RPSA2: variants seen among roughly 807,000 people sequenced by gnomAD.
The protein encoded by RPSA2 is ribosomal protein SA 2, also known as small ribosomal subunit protein uS2B.
the RPSA2 span, among the ~76,000 whole-genome samples, chr19:23,811,241 T>G: frequency 2.4e-4 from 37 of 152,100 alleles, no homozygotes; most frequent in African/African-American, 8.9e-4. Flanking sequence ...GGTCTTGAAC[T>G]TTTGACCTCA....
chr19:23,797,169 G>A, the RPSA2 span, among the ~76,000 whole-genome samples: 1 of 151,994 alleles, frequency 6.6e-6, no homozygotes, highest in Non-Finnish European at 1.5e-5. Flanking sequence ...AAGTGCAATG[G>A]CACGATCTCA....
the RPSA2 span, chr19:23,799,047 CT>C: frequency 6.6e-6 from 1 of 152,208 alleles, no homozygotes; most frequent in East Asian, 1.9e-4. Flanking sequence ...TAATATACCT[CT>C]TTTCTTCATA....
chr19:23,834,429 T>C, the RPSA2 span, among the ~76,000 whole-genome samples: 1 of 152,018 alleles, frequency 6.6e-6, no homozygotes, highest in Non-Finnish European at 1.5e-5. Context: ...TGACCTTTTC[T>C]ATGGAAAGGT....
At chr19:23,828,005 G>A in the RPSA2 span, 1 of 785,592 alleles carries the variant, frequency 1.3e-6, no homozygotes, top group Non-Finnish European at 2.1e-6. Flanking sequence ...AGCTCCCACT[G>A]CTCAGGCCAC....
chr19:23,792,675 C>T, the RPSA2 span, among the ~76,000 whole-genome samples: 1 of 151,408 alleles, frequency 6.6e-6, no homozygotes, highest in Non-Finnish European at 1.5e-5. Context: ...CCACCAAGCC[C>T]GGCTAATTTT....
chr19:23,819,089 G>A, the RPSA2 span: 1 of 152,154 alleles, frequency 6.6e-6, no homozygotes, highest in Non-Finnish European at 1.5e-5. Context: ...CCTAGAGGAG[G>A]AGGTTGAGCA....
chr19:23,833,321 A>G, the RPSA2 span: 5 of 513,434 alleles, frequency 9.7e-6, no homozygotes, highest in African/African-American at 1.0e-4. Context: ...ATAATGTGTC[A>G]AAGCCTATAA....
chr19:23,783,433 A>G, the RPSA2 span, among the ~76,000 whole-genome samples: 2 of 151,308 alleles, frequency 1.3e-5, no homozygotes, highest in African/African-American at 4.9e-5. Context: ...GTCCAACAAC[A>G]TGGTGATGCA....
the RPSA2 span, among the ~76,000 whole-genome samples, chr19:23,794,360 A>G: frequency 6.6e-6 from 1 of 152,128 alleles, no homozygotes; most frequent in Non-Finnish European, 1.5e-5. Context: ...CCCTGACAGC[A>G]TCTATTTTTT....
At chr19:23,852,085 G>A in the RPSA2 span, among the ~76,000 whole-genome samples, 17 of 152,252 alleles carry the variant, frequency 1.1e-4, no homozygotes, top group African/African-American at 4.1e-4. Flanking sequence ...GTGGAATGAA[G>A]CGAAAACTAG....
the RPSA2 span, among the ~76,000 whole-genome samples, chr19:23,791,728 ATCTTT>A: frequency 5.3e-5 from 8 of 150,684 alleles, no homozygotes; most frequent in African/African-American, 1.5e-4. Flanking sequence ...TATTATTTTA[ATCTTT>A]TCTTTTTTTT....
At chr19:23,866,846 A>T in the RPSA2 span, among the ~76,000 whole-genome samples, 1 of 152,184 alleles carries the variant, frequency 6.6e-6, no homozygotes, top group Non-Finnish European at 1.5e-5. Context: ...ATTTGGGGAC[A>T]TTTGCCAGCA....
At chr19:23,802,876 T>C in the RPSA2 span, among the ~76,000 whole-genome samples, 2 of 152,202 alleles carry the variant, frequency 1.3e-5, no homozygotes, top group Non-Finnish European at 2.9e-5. Context: ...CCATTTTCTT[T>C]ATATTGTTAA....
At chr19:23,829,198 G>A in the RPSA2 span, among the ~76,000 whole-genome samples, 1 of 152,028 alleles carries the variant, frequency 6.6e-6, no homozygotes, top group African/African-American at 2.4e-5. Flanking sequence ...TAGACTTACT[G>A]TTATTTTATT....
chr19:23,792,859 TC>T, the RPSA2 span, among the ~76,000 whole-genome samples: 1 of 152,080 alleles, frequency 6.6e-6, no homozygotes, highest in Non-Finnish European at 1.5e-5. Flanking sequence ...GGCTTTGCCT[TC>T]CAGAGAAAAG....
chr19:23,813,443 G>A, the RPSA2 span, among the ~76,000 whole-genome samples: 10 of 151,848 alleles, frequency 6.6e-5, no homozygotes, highest in Non-Finnish European at 1.3e-4. Context: ...TCTTACGTAA[G>A]TGAAATCATA....
chr19:23,844,617 T>G, the RPSA2 span, among the ~76,000 whole-genome samples: 1 of 152,078 alleles, frequency 6.6e-6, no homozygotes, highest in Non-Finnish European at 1.5e-5. Context: ...AATATGTTCT[T>G]TTATTCTTTA....
the RPSA2 span, among the ~76,000 whole-genome samples, chr19:23,773,846 C>T: frequency 6.6e-6 from 1 of 152,062 alleles, no homozygotes; most frequent in Non-Finnish European, 1.5e-5. Flanking sequence ...TTTAGTTCAT[C>T]GTTGAAATTG....
the RPSA2 span, among the ~76,000 whole-genome samples, chr19:23,793,394 CTTG>C: frequency 1.4e-5 from 2 of 145,966 alleles, no homozygotes; most frequent in African/African-American, 2.5e-5. Context: ...GAGTTTTGCT[CTTG>C]TTTTATTTGT....
Sources: gnomAD v4.1 joint callset for allele counts (sites outside exome capture counted in the v4.1 genomes callset) on GRCh38, gnomAD v4.1.1 for gene constraint, MANE v1.5 for transcripts, NCBI Gene and HGNC (gene_info 2026-07-23, HGNC 2026-07-21) for gene names.